The following CDKAL1 variants were observed in gnomAD, a reference collection of about 807,000 sequenced individuals.
CDKAL1 encodes the protein CDKAL1 threonylcarbamoyladenosine tRNA methylthiotransferase, also known as threonylcarbamoyladenosine tRNA methylthiotransferase.
In CDKAL1, 32 loss-of-function variants were observed where a neutral mutation model predicts 68.2. The observed-to-expected ratio is 0.47, with a 90% CI of 0.35 to 0.63. The LOEUF (loss-of-function observed/expected upper bound fraction) is 0.63, where lower values mean the gene tolerates loss of function less well. CDKAL1 is among the 30% of genes least tolerant of loss of function. CDKAL1 has a pLI of 0.00. For synonymous variants in CDKAL1, 234 were observed against 244.3 expected, an observed-to-expected ratio of 0.96 and a Z score of 0.39; for missense variants, 606 against 696.7, an observed-to-expected ratio of 0.87 and a Z score of 1.47.
intron 4 of CDKAL1, among the ~76,000 whole-genome samples, chr6:20,648,050 G>A (rs2127759195): frequency 6.7e-6 from 1 of 149,366 alleles, no homozygotes; most frequent in African/African-American, 2.5e-5. Context: ...ACTCCAGCCT[G>A]GGTGACAGAG....
At chr6:20,553,345 C>T (rs895045639) in intron 4 of CDKAL1, among the ~76,000 whole-genome samples, 2 of 151,894 alleles carry the variant, frequency 1.3e-5, no homozygotes, top group South Asian at 2.1e-4. Flanking sequence ...CCCGTCTCTA[C>T]TAAAAATACA....
chr6:21,108,158 T>C (rs1486125609), intron 12 of CDKAL1, among the ~76,000 whole-genome samples: 1 of 152,168 alleles, frequency 6.6e-6, no homozygotes, highest in Non-Finnish European at 1.5e-5. Flanking sequence ...GTTTTAGTTA[T>C]GAAATCTTCT....
At chr6:20,791,803 A>G (rs1392093165) in intron 8 of CDKAL1, among the ~76,000 whole-genome samples, 1 of 152,146 alleles carries the variant, frequency 6.6e-6, no homozygotes, top group Non-Finnish European at 1.5e-5. Context: ...ATGTATGACC[A>G]TTGTGCCTTC....
At chr6:21,045,842 C>T (rs927001719) in intron 11 of CDKAL1, among the ~76,000 whole-genome samples, 3 of 152,140 alleles carry the variant, frequency 2.0e-5, no homozygotes, top group African/African-American at 4.8e-5. Context: ...GTGGGTCATC[C>T]GATGGCGTCT....
intron 4 of CDKAL1, among the ~76,000 whole-genome samples, chr6:20,554,049 C>T (rs1252989679): frequency 6.6e-6 from 1 of 152,214 alleles, no homozygotes; most frequent in Non-Finnish European, 1.5e-5. Flanking sequence ...AACTCCTGGC[C>T]TCAAGTGGTC....
chr6:20,618,060 A>G (rs868379222), intron 4 of CDKAL1, among the ~76,000 whole-genome samples: 1 of 152,110 alleles, frequency 6.6e-6, no homozygotes, highest in Non-Finnish European at 1.5e-5. Context: ...CTATTTCTCC[A>G]CATCCTCTCT....
chr6:20,795,766 A>G (rs1776082882), intron 8 of CDKAL1, among the ~76,000 whole-genome samples: 1 of 152,184 alleles, frequency 6.6e-6, no homozygotes, highest in Non-Finnish European at 1.5e-5. Context: ...TAGATTTCTC[A>G]TGTTGCTATT....
intron 5 of CDKAL1, among the ~76,000 whole-genome samples, chr6:20,696,543 T>C (rs1771114176): frequency 1.3e-5 from 2 of 152,228 alleles, no homozygotes; most frequent in Admixed American, 6.5e-5. Flanking sequence ...TTTATCTCTG[T>C]CCATGGGTTT....
chr6:20,571,864 T>A (rs760855671), intron 4 of CDKAL1, among the ~76,000 whole-genome samples: 12 of 152,100 alleles, frequency 7.9e-5, no homozygotes, highest in South Asian at 2.1e-4. Context: ...TTAAAAAAAA[T>A]TTTTGGTAGA....
At chr6:20,836,381 G>A (rs1389911242) in intron 8 of CDKAL1, among the ~76,000 whole-genome samples, 1 of 152,162 alleles carries the variant, frequency 6.6e-6, no homozygotes, top group Admixed American at 6.5e-5. Context: ...AGCGTAAGTT[G>A]CAGTTATTCT....
chr6:20,842,294 T>A (rs1042327341), intron 8 of CDKAL1, among the ~76,000 whole-genome samples: 1 of 152,216 alleles, frequency 6.6e-6, no homozygotes, highest in Non-Finnish European at 1.5e-5. Flanking sequence ...TTTTTAAAGC[T>A]AAGACAATAG....
chr6:20,988,192 G>GTGTGTGTGTGTT (rs1554153546), intron 10 of CDKAL1, among the ~76,000 whole-genome samples: 13 of 150,580 alleles, frequency 8.6e-5, no homozygotes, highest in Non-Finnish European at 1.8e-4. Context: ...ATGTGTGTGT[G>GTGTGTGTGTGTT]TGTGTGTGTG....
intron 9 of CDKAL1, among the ~76,000 whole-genome samples, chr6:20,848,772 TG>T (rs1453378537): frequency 6.6e-5 from 10 of 151,968 alleles, no homozygotes; most frequent in South Asian, 4.1e-4. Context: ...GAAATGTGGT[TG>T]TTTTTTTCTT....
chr6:20,665,692 A>C (rs949693854), intron 5 of CDKAL1, among the ~76,000 whole-genome samples: 1 of 151,246 alleles, frequency 6.6e-6, no homozygotes. Flanking sequence ...GAAACGATGT[A>C]TAGAGAGATG....
chr6:20,613,241 ATTTC>A lies in CDKAL1; in HGVS notation c.287-36044_287-36041del, dbSNP rs1393898676. On this transcript the variant is annotated intron_variant, in intron 4 of 15. Coordinates refer to ENST00000274695, the MANE Select transcript of CDKAL1 (RefSeq NM_017774.3). ...CCTTGTTTTATCAGTTCATCACAAA[ATTTC>A]TTTCTTTTTTTTTTTTTTTTTTTTT... Among the ~76,000 whole-genome samples the A allele has an allele frequency of 1.8e-4, 17 of 92,370 alleles. No individual in the cohort carries two copies. The East Asian group carries it at 3.6e-3, about 20-fold the overall frequency. The allele number at this position is 92,370 out of a possible 152,430, so 60.6% of individuals were successfully genotyped here.
intron 11 of CDKAL1, among the ~76,000 whole-genome samples, chr6:21,029,611 C>A (rs1769155652): frequency 6.6e-6 from 1 of 151,934 alleles, no homozygotes; most frequent in Non-Finnish European, 1.5e-5. Context: ...CTGAAATCTA[C>A]AAGGAATTTA....
intron 12 of CDKAL1, among the ~76,000 whole-genome samples, chr6:21,086,204 A>G (rs565592338): frequency 1.6e-4 from 24 of 152,346 alleles, no homozygotes; most frequent in Admixed American, 3.9e-4. Context: ...AAAGTGACAC[A>G]ATTAATGGTG....
At chr6:20,594,165 GGA>G (rs1186963617) in intron 4 of CDKAL1, among the ~76,000 whole-genome samples, 1 of 152,166 alleles carries the variant, frequency 6.6e-6, no homozygotes, top group Non-Finnish European at 1.5e-5. Context: ...GATTTGGGGT[GGA>G]GAGTTCTGTA....
chr6:21,017,747 C>T (rs1768423655), intron 11 of CDKAL1, among the ~76,000 whole-genome samples: 1 of 152,104 alleles, frequency 6.6e-6, no homozygotes, highest in Non-Finnish European at 1.5e-5. Flanking sequence ...TTCTTCCAAG[C>T]TATTATATAT....
Sources: gnomAD v4.1 joint callset for allele counts (sites outside exome capture counted in the v4.1 genomes callset) on GRCh38, gnomAD v4.1.1 for gene constraint, MANE v1.5 for transcripts, NCBI Gene and HGNC (gene_info 2026-07-23, HGNC 2026-07-21) for gene names.